Variants in DMD observed in about 807,000 individuals in gnomAD.
DMD encodes the protein dystrophin, also known as mutant dystrophin.
A neutral mutation model predicts 330.1 loss-of-function variants in DMD; 63 were observed. The ratio of observed to expected loss-of-function variants is 0.19; its 90% confidence interval spans 0.16 to 0.24. The LOEUF (loss-of-function observed/expected upper bound fraction) is 0.24. Ranked by LOEUF, DMD falls within the 10% of genes least tolerant of loss-of-function variation. The pLI, the probability that DMD is intolerant of heterozygous loss-of-function variation, is 1.00. For synonymous variants in DMD, 1,223 were observed against 959.8 expected (o/e 1.27, Z -5.07); for missense variants, 3,344 against 2,684.1 (o/e 1.25, Z -5.43).
intron 44 of DMD, among the ~76,000 whole-genome samples, chrX:32,063,524 A>T (rs1385810681): frequency 9.0e-6 from 1 of 111,168 alleles, no homozygotes; most frequent in East Asian, 2.8e-4. Flanking sequence ...TATTTGTTTC[A>T]TTTATTTCCA....
At chrX:32,624,997 C>T (rs1282579032) in intron 11 of DMD, among the ~76,000 whole-genome samples, 1 of 110,933 alleles carries the variant, frequency 9.0e-6, no homozygotes, top group African/African-American at 3.3e-5. Context: ...ATGGTGAAAC[C>T]CCATCTCCAC....
chrX:31,212,146 T>TTATATATATATATATA (rs375944446), intron 64 of DMD, among the ~76,000 whole-genome samples: 2 of 91,760 alleles, frequency 2.2e-5, no homozygotes, highest in African/African-American at 8.5e-5. Flanking sequence ...ATTAAATATA[T>TTATATATATATATATA]TATATATATA....
intron 60 of DMD, among the ~76,000 whole-genome samples, chrX:31,389,742 C>G (rs1290745454): frequency 8.9e-6 from 1 of 112,070 alleles, no homozygotes; most frequent in Non-Finnish European, 1.9e-5. Flanking sequence ...GAAAATTGAC[C>G]ATAGAAATGC....
chrX:31,852,854 A>G (rs1051528138), intron 48 of DMD, among the ~76,000 whole-genome samples: 1 of 112,514 alleles, frequency 8.9e-6, no homozygotes, highest in African/African-American at 3.2e-5. Flanking sequence ...TCATAGAAAG[A>G]GTTAAACAAT....
chrX:32,482,244 G>A lies in DMD; in HGVS notation c.2803+2675C>T, dbSNP rs747115609. ...TCTATATTCATCTAGCATATAACAT[G>A]AGTTTACTGGTTTTCAGTCTCTAGA... On this transcript the variant is annotated intron_variant, in intron 21 of 78. Transcript: ENST00000357033. 3.6e-5 allele frequency among the ~76,000 whole-genome samples: 4 copies of A among 111,040 alleles called. No homozygotes were observed. The South Asian group carries it at 1.1e-3, about 31-fold the overall frequency.
intron 2 of DMD, among the ~76,000 whole-genome samples, chrX:32,900,981 G>T (rs1248323630): frequency 9.0e-6 from 1 of 110,819 alleles, no homozygotes; most frequent in Non-Finnish European, 1.9e-5. Context: ...AAAATGTAAG[G>T]CAGTAAGCAG....
intron 1 of DMD, among the ~76,000 whole-genome samples, chrX:33,228,493 C>T (rs922282504): frequency 1.8e-5 from 2 of 109,812 alleles, no homozygotes; most frequent in South Asian, 3.8e-4. Context: ...AGGGGAGGGA[C>T]TTGGAGAAGG....
At chrX:32,329,042 T>C (rs1216612858) in intron 41 of DMD, among the ~76,000 whole-genome samples, 1 of 111,717 alleles carries the variant, frequency 9.0e-6, no homozygotes, top group Non-Finnish European at 1.9e-5. Flanking sequence ...CATTCAATCA[T>C]TCATTCCACA....
chrX:31,505,167 A>G (rs1466822636), intron 56 of DMD, among the ~76,000 whole-genome samples: 1 of 111,775 alleles, frequency 8.9e-6, no homozygotes, highest in Non-Finnish European at 1.9e-5. Flanking sequence ...TCCATCTCAC[A>G]TTTTCATTCT....
intron 61 of DMD, among the ~76,000 whole-genome samples, chrX:31,345,708 C>T (rs1194256387): frequency 9.0e-6 from 1 of 111,357 alleles, no homozygotes; most frequent in Non-Finnish European, 1.9e-5. Flanking sequence ...ATGCAGAAGA[C>T]GAAATCTGTA....
intron 27 of DMD, among the ~76,000 whole-genome samples, chrX:32,442,409 G>C (rs2098284830): frequency 9.0e-6 from 1 of 111,135 alleles, no homozygotes; most frequent in East Asian, 2.8e-4. Context: ...ATGAAGATAT[G>C]TTCAATCTCA....
intron 2 of DMD, among the ~76,000 whole-genome samples, chrX:32,996,399 T>A (rs148439500): frequency 0.017 from 1,874 of 111,974 alleles, 25 homozygotes; most frequent in Non-Finnish European, 0.029. Flanking sequence ...AGTTTTAGTA[T>A]TGTTTTCTGA....
chrX:31,900,221 CTTCTT>C (rs1372719368), intron 47 of DMD, among the ~76,000 whole-genome samples: 1 of 111,277 alleles, frequency 9.0e-6, no homozygotes, highest in African/African-American at 3.3e-5. Context: ...ACTCCACAGT[CTTCTT>C]TTATTTTGCA....
At chrX:32,737,853 A>G (rs1426535309) in intron 7 of DMD, among the ~76,000 whole-genome samples, 1 of 111,771 alleles carries the variant, frequency 8.9e-6, no homozygotes, top group Non-Finnish European at 1.9e-5. Flanking sequence ...ACTACTCACA[A>G]ACTCATTATC....
intron 60 of DMD, among the ~76,000 whole-genome samples, chrX:31,436,310 T>C (rs1207582202): frequency 2.7e-5 from 3 of 112,136 alleles, no homozygotes; most frequent in Non-Finnish European, 3.8e-5. Context: ...CTTTATAAAA[T>C]ATCTGAAAAT....
intron 48 of DMD, among the ~76,000 whole-genome samples, chrX:31,846,948 T>C (rs1456740662): frequency 1.8e-5 from 2 of 111,813 alleles, no homozygotes; most frequent in Non-Finnish European, 3.8e-5. Flanking sequence ...ATTTGAGTAG[T>C]CCAAGTATTA....
intron 53 of DMD, among the ~76,000 whole-genome samples, chrX:31,659,680 T>C (rs1164324510): frequency 1.0e-5 from 1 of 98,918 alleles, no homozygotes; most frequent in African/African-American, 3.7e-5. Flanking sequence ...AGAAACAATG[T>C]CGATGTTTAA....
chrX:32,927,823 G>A (rs774765606), intron 2 of DMD, among the ~76,000 whole-genome samples: 7 of 110,637 alleles, frequency 6.3e-5, no homozygotes, highest in Non-Finnish European at 1.3e-4. Flanking sequence ...GTAGCATGGT[G>A]CACACACGGA....
At chrX:32,685,651 T>C (rs942198668) in intron 9 of DMD, among the ~76,000 whole-genome samples, 3 of 111,726 alleles carry the variant, frequency 2.7e-5, no homozygotes, top group Non-Finnish European at 5.6e-5. Context: ...AGTTACCTAA[T>C]AGAAGTAAGT....
Sources: allele counts gnomAD v4.1 joint callset (sites outside exome capture counted in the v4.1 genomes callset), GRCh38; gene constraint gnomAD v4.1.1; transcripts MANE v1.5; gene names NCBI Gene and HGNC (gene_info 2026-07-23, HGNC 2026-07-21).